MYO16: variants seen among roughly 807,000 people sequenced by gnomAD.
MYO16 encodes the protein unconventional myosin-XVI.
Under a neutral mutation model 205.3 loss-of-function variants are expected in MYO16, and 94 were observed. That is an observed-to-expected ratio of 0.46 (90% CI 0.39 to 0.54). The LOEUF is 0.54. Among genes scored for constraint, MYO16 ranks in the 20% least tolerant of loss-of-function variants. The pLI is 0.00. For synonymous variants in MYO16, 988 were observed against 954.0 expected, an observed-to-expected ratio of 1.04 and a Z score of -0.66; for missense variants, 2,315 against 2,387.5, an observed-to-expected ratio of 0.97 and a Z score of 0.63.
the MYO16 span, among the ~76,000 whole-genome samples, chr13:108,558,991 T>C: frequency 1.3e-5 from 2 of 151,920 alleles, no homozygotes; most frequent in Admixed American, 1.3e-4. Context: ...TTGATTTTTT[T>C]TTTTTTTTAA....
intron 1 of MYO16, among the ~76,000 whole-genome samples, chr13:108,618,111 G>T (rs1355139898): frequency 3.3e-5 from 5 of 152,076 alleles, no homozygotes; most frequent in African/African-American, 9.7e-5. Context: ...GACTATTATA[G>T]GAGCTTTTTA....
chr13:108,660,562 A>C (rs2139422386), intron 1 of MYO16, among the ~76,000 whole-genome samples: 1 of 152,184 alleles, frequency 6.6e-6, no homozygotes. Context: ...GTTGCTTTAA[A>C]GTTTGTTTTT....
intron 1 of MYO16, among the ~76,000 whole-genome samples, chr13:108,621,834 G>A (rs1404637498): frequency 6.6e-6 from 1 of 152,132 alleles, no homozygotes; most frequent in African/African-American, 2.4e-5. Flanking sequence ...ATGAGAGACA[G>A]CACATTCACC....
At chr13:108,517,860 GT>G in the MYO16 span, among the ~76,000 whole-genome samples, 5 of 152,204 alleles carry the variant, frequency 3.3e-5, no homozygotes, top group Non-Finnish European at 7.3e-5. Flanking sequence ...TTGGTGTCTG[GT>G]GGGGGCTCTC....
chr13:108,522,073 G>T, the MYO16 span, among the ~76,000 whole-genome samples: 1 of 152,118 alleles, frequency 6.6e-6, no homozygotes, highest in Admixed American at 6.5e-5. Context: ...AAAACAAATT[G>T]AAGGTCAGGA....
Position 109,023,047 on chromosome 13 carries a change from A to C in MYO16, c.2796+3136A>C, listed in dbSNP as rs1357308881. 3.7e-5 allele frequency among the ~76,000 whole-genome samples: 5 copies of C among 133,610 alleles called. No individual in the cohort carries two copies. The Admixed American group carries it at 4.1e-4, about 11-fold the overall frequency. 87.7% of individuals were successfully genotyped at this position (133,610 alleles called of 152,430 possible). The stretch of plus-strand genomic sequence containing the variant: ...TATATATTTATATATTAATACACAC[A>C]TGTAAGTATATGTTTATATTTATAT... On this transcript the variant is annotated intron_variant, in intron 23 of 34. Transcript: ENST00000457511.
At chr13:108,700,400 T>C (rs1324796303) in intron 2 of MYO16, among the ~76,000 whole-genome samples, 2 of 151,104 alleles carry the variant, frequency 1.3e-5, no homozygotes, top group African/African-American at 4.9e-5. Context: ...ATGGTTGAAC[T>C]TCGGCAAGAG....
intron 5 of MYO16, among the ~76,000 whole-genome samples, chr13:108,792,488 G>T (rs1886645322): frequency 6.8e-6 from 1 of 146,586 alleles, no homozygotes. Context: ...TTTATTCATA[G>T]TTTTCCAGTT....
chr13:109,022,688 A>ATC (rs1886113787), intron 23 of MYO16, among the ~76,000 whole-genome samples: 1 of 8,378 alleles, frequency 1.2e-4, no homozygotes, highest in Non-Finnish European at 3.1e-4. Context: ...ACATATAAAC[A>ATC]TGTATATATT....
chr13:108,873,600 TCCATGCCAACCA>T (rs1879175612), intron 12 of MYO16, among the ~76,000 whole-genome samples: 1 of 151,316 alleles, frequency 6.6e-6, no homozygotes, highest in Admixed American at 6.6e-5. Context: ...CGGGACAGGG[TCCATGCCAACCA>T]CCAGGACAGG....
At chr13:108,516,355 A>C in the MYO16 span, among the ~76,000 whole-genome samples, 2 of 151,672 alleles carry the variant, frequency 1.3e-5, no homozygotes. Context: ...GCGCGCACAC[A>C]CTGGCCTGCG....
the MYO16 span, among the ~76,000 whole-genome samples, chr13:108,545,544 G>T: frequency 6.6e-6 from 1 of 152,160 alleles, no homozygotes; most frequent in Admixed American, 6.5e-5. Context: ...TGACTTAAAT[G>T]GTACTTCTAT....
chr13:108,754,327 A>G (rs1286390354), intron 4 of MYO16, among the ~76,000 whole-genome samples: 3 of 152,236 alleles, frequency 2.0e-5, no homozygotes, highest in Non-Finnish European at 2.9e-5. Context: ...AGCATGCAGA[A>G]CAAGCAGAGA....
At chr13:108,870,275 T>G (rs1878983560) in intron 12 of MYO16, among the ~76,000 whole-genome samples, 1 of 152,078 alleles carries the variant, frequency 6.6e-6, no homozygotes, top group African/African-American at 2.4e-5. Context: ...ATCCTTTTCT[T>G]TATATTACTG....
intron 1 of MYO16, among the ~76,000 whole-genome samples, chr13:108,614,806 C>T (rs1302361238): frequency 2.6e-5 from 4 of 152,008 alleles, no homozygotes; most frequent in Admixed American, 1.3e-4. Flanking sequence ...ATACCATATA[C>T]ACAAATTAAC....
chr13:109,074,745 A>G (rs1038354182), intron 27 of MYO16, among the ~76,000 whole-genome samples: 2 of 152,024 alleles, frequency 1.3e-5, no homozygotes, highest in African/African-American at 4.8e-5. Context: ...CAAAAACAGC[A>G]TGGGGGAACT....
At chr13:108,975,226 T>G (rs1430123293) in intron 20 of MYO16, among the ~76,000 whole-genome samples, 3 of 151,978 alleles carry the variant, frequency 2.0e-5, no homozygotes, top group African/African-American at 7.3e-5. Flanking sequence ...TATTGCGGTC[T>G]TCAGGGTTCA....
chr13:108,501,725 G>A, the MYO16 span, among the ~76,000 whole-genome samples: 5 of 152,332 alleles, frequency 3.3e-5, no homozygotes, highest in African/African-American at 1.2e-4. Flanking sequence ...TCCTTTGCAC[G>A]TTTAAAGTAT....
chr13:109,055,246 T>C lies in MYO16; in HGVS notation c.3129+120T>C, dbSNP rs1443066358. 27 of 658,528 alleles carry C rather than the reference T, an allele frequency of 4.1e-5. No homozygotes were observed. Among genetic ancestry groups the C allele is most frequent in the Admixed American group, 6.4e-5 (2 of 31,432 alleles). The allele number at this position is 658,528 out of a possible 1,614,324, so 40.8% of individuals were successfully genotyped here. On this transcript the variant is annotated intron_variant, in intron 26 of 34. Coordinates refer to ENST00000457511, the MANE Select transcript of MYO16 (RefSeq NM_001198950.3). This position sits in a 1 kb window ranked among gnomAD's most constrained non-coding sequence, Gnocchi z 5.0. ...AATATCTTCACAAAAAAAGTAAACA[T>C]ACACACACACACACACACACACACA...
Sources: allele counts gnomAD v4.1 joint callset (sites outside exome capture counted in the v4.1 genomes callset), GRCh38; gene constraint gnomAD v4.1.1; non-coding constraint Gnocchi (gnomAD v3.1); transcripts MANE v1.5; gene names NCBI Gene and HGNC (gene_info 2026-07-23, HGNC 2026-07-21).